The following SH3TC2 variants were observed in gnomAD, a reference collection of about 807,000 sequenced individuals.
The protein encoded by SH3TC2 is SH3 domain and tetratricopeptide repeat-containing protein 2.
A neutral mutation model predicts 124.5 loss-of-function variants in SH3TC2; 87 were observed. That is an observed-to-expected ratio of 0.70 (90% CI 0.59 to 0.84). The LOEUF is 0.84. Ranked by LOEUF, SH3TC2 falls within the 40% of genes least tolerant of loss-of-function variation. The probability of loss-of-function intolerance (pLI) is 0.00; values close to 1 mark genes in which losing one functional copy is unlikely to be tolerated. For synonymous variants in SH3TC2, 634 were observed against 628.5 expected, an observed-to-expected ratio of 1.01 and a Z score of -0.13; for missense variants, 1,536 against 1,566.4, an observed-to-expected ratio of 0.98 and a Z score of 0.33.
intron 3 of SH3TC2, chr5:149,046,584 G>A (rs1188389852): frequency 1.3e-5 from 2 of 152,164 alleles, no homozygotes; most frequent in African/African-American, 4.8e-5. Flanking sequence ...GGCACAGAGA[G>A]GTTAAGTAAA....
intron 1 of SH3TC2, among the ~76,000 whole-genome samples, chr5:149,055,943 A>G (rs1260873857): frequency 1.3e-5 from 2 of 152,128 alleles, no homozygotes; most frequent in South Asian, 2.1e-4. Flanking sequence ...AATAAATCCA[A>G]TACAACAATG....
chr5:149,032,414 G>C (rs1754212539), intron 8 of SH3TC2, among the ~76,000 whole-genome samples: 1 of 152,166 alleles, frequency 6.6e-6, no homozygotes, highest in Non-Finnish European at 1.5e-5. Flanking sequence ...TAAAAAACTA[G>C]AAGTGCCTTA....
At chr5:149,053,512 G>A (rs1754591752) in intron 1 of SH3TC2, among the ~76,000 whole-genome samples, 1 of 152,206 alleles carries the variant, frequency 6.6e-6, no homozygotes, top group Non-Finnish European at 1.5e-5. Context: ...AAGCTAAGCA[G>A]CTTAGCTGGA....
intron 1 of SH3TC2, chr5:149,062,297 G>GA (rs1754766482): frequency 3.8e-6 from 2 of 526,382 alleles, no homozygotes; most frequent in South Asian, 1.4e-5. Context: ...ATTCTCCTCT[G>GA]AAAAAAAGCA....
At chr5:149,043,578 A>G (rs1754407479) in intron 4 of SH3TC2, 1 of 152,190 alleles carries the variant, frequency 6.6e-6, no homozygotes, top group African/African-American at 2.4e-5. Context: ...ATGTGCACAC[A>G]AATCACATGG....
In SH3TC2 at chr5:149,027,047, G is replaced by A; in HGVS notation, c.2685C>T (p.Ala895=). The A allele has an allele frequency of 6.2e-7, 1 of 1,614,188 alleles. No individual in the cohort carries two copies. Among genetic ancestry groups the A allele is most frequent in the Non-Finnish European group, 8.5e-7 (1 of 1,180,032 alleles). ...GTACAGCCTGCAGGAGATAGTTTCTGGCTGGATGCTGAGCCCAGGACTTAA... is the reference window on the plus strand; with the variant it reads ...GTACAGCCTGCAGGAGATAGTTTCTAGCTGGATGCTGAGCCCAGGACTTAA... ...LSLKSWAQHP[A]RNYLLQAVRL... The change falls in exon 11 of 17, where the codon GCC becomes GCT. Residue 895 remains alanine (A), a synonymous_variant. Coordinates refer to ENST00000515425, the MANE Select transcript of SH3TC2 (RefSeq NM_024577.4).
At chr5:149,038,892 C>A (rs1345302675) in intron 7 of SH3TC2, among the ~76,000 whole-genome samples, 2 of 152,212 alleles carry the variant, frequency 1.3e-5, no homozygotes, top group African/African-American at 2.4e-5. Flanking sequence ...AATCCACAGA[C>A]CAGTGTGTGA....
rs1438803627 is a variant in SH3TC2 at position 149,002,546 on chromosome 5, T to C, written c.*2165A>G. ...AATGTGTGCCAATTAGTAGACAACC[T>C]TGATGACTAGAAGATGCAATGGCGG... On this transcript the variant is annotated 3_prime_UTR_variant, in exon 17 of 17. Coordinates refer to ENST00000515425, the MANE Select transcript of SH3TC2 (RefSeq NM_024577.4). The C allele has an allele frequency of 6.6e-6, 1 of 152,252 alleles. No homozygotes were observed. Among genetic ancestry groups the C allele is most frequent in the Admixed American group, 6.5e-5 (1 of 15,284 alleles). 9.4% of individuals were successfully genotyped at this position (152,252 alleles called of 1,614,324 possible). A position where few individuals can be genotyped will look rare whatever the true frequency, so the allele number is the denominator to read the frequency against.
chr5:149,011,547 A>C (rs1436737205), intron 13 of SH3TC2, among the ~76,000 whole-genome samples: 1 of 152,186 alleles, frequency 6.6e-6, no homozygotes, highest in African/African-American at 2.4e-5. Context: ...CCTTGGGCAA[A>C]TTACTCAGCC....
In SH3TC2 at chr5:149,003,379, G is replaced by A. The variant is rs1753628367; in HGVS notation, c.*1332C>T. On this transcript the variant is annotated 3_prime_UTR_variant, in exon 17 of 17. Coordinates refer to ENST00000515425, the MANE Select transcript of SH3TC2 (RefSeq NM_024577.4). Reference sequence around the variant, plus strand: ...CTAGTGAAGCATGGTGCCATGTTGTGACTGCCCTGTGGAGAGGCCCACGTG... The same window carrying A: ...CTAGTGAAGCATGGTGCCATGTTGTAACTGCCCTGTGGAGAGGCCCACGTG... 6.4e-6 allele frequency: 1 copy of A among 156,122 alleles called. No individual in the cohort carries two copies. The highest frequency in any genetic ancestry group is 2.4e-5 in the African/African-American group (1 of 41,492). The allele number at this position is 156,122 out of a possible 1,614,324, so 9.7% of individuals were successfully genotyped here.
In SH3TC2 at chr5:149,027,846, C is replaced by A. The variant is rs771216937; in HGVS notation, c.1886G>T (p.Ser629Ile). 1 of 1,613,890 alleles carries A rather than the reference C, an allele frequency of 6.2e-7. No homozygotes were observed. Among genetic ancestry groups the A allele is most frequent in the Non-Finnish European group, 8.5e-7 (1 of 1,180,036 alleles). Residue 629 changes from serine to isoleucine, a missense_variant, in exon 11 of 17, where the codon AGC becomes ATC. Ser to Ile is a moderately radical substitution (Grantham distance 142). Around this residue, in one of 3 missense-constraint regions of SH3TC2, gnomAD observed 1,102 missense variants for 1,098.6 expected, o/e 1.00. Coordinates refer to ENST00000515425, the MANE Select transcript of SH3TC2 (RefSeq NM_024577.4). ...VLRQGIVVGSSPLEARACFLA... is the reference protein window; with the variant it reads ...VLRQGIVVGSIPLEARACFLA... ...AAAGCAGGCCCTGGCCTCCAGCGGG[C>A]TGCTGCCCACCACAATCCCCTGGCG...
In SH3TC2 at chr5:149,027,355, G is replaced by T. The variant is rs369957663; in HGVS notation, c.2377C>A (p.Gln793Lys). The T allele has an allele frequency of 6.0e-5, 97 of 1,613,892 alleles. No individual in the cohort carries two copies. Among genetic ancestry groups the T allele is most frequent in the Non-Finnish European group, 8.2e-5 (97 of 1,180,010 alleles). The change falls in exon 11 of 17, where the codon CAG (glutamine) becomes AAG (lysine). Residue 793 changes from glutamine to lysine, a missense_variant. Physicochemically the swap from Gln to Lys is moderately conservative, Grantham distance 53. This residue lies in a region of SH3TC2 where 1,102 missense variants were observed against 1,098.6 expected (regional missense o/e 1.00). Transcript: ENST00000515425. The stretch of plus-strand genomic sequence containing the variant: ...CAGAGAGAAGACTCAAAGGATTCCT[G>T]CTCACCCAGCAGCTGCCCTAGCACC... Reference protein sequence around the residue: ...ALVLGQLLGEQESFESSLCLA... With the variant: ...ALVLGQLLGEKESFESSLCLA...
Position 149,038,242 on chromosome 5 carries a change from G to A in SH3TC2, c.1001+53C>T, listed in dbSNP as rs1754314970. 1.9e-6 allele frequency: 3 copies of A among 1,584,642 alleles called. No homozygotes were observed. In the Admixed American group the frequency reaches 5.0e-5, roughly 27 times the overall value. On this transcript the variant is annotated intron_variant, in intron 8 of 16. Coordinates refer to ENST00000515425, the MANE Select transcript of SH3TC2 (RefSeq NM_024577.4). Reference sequence around the variant, plus strand: ...TGCAAATCTGCTCAAAGAGGGGAGGGAACCCTGGGAAAGGGAGCCCAGCTC... The same window carrying A: ...TGCAAATCTGCTCAAAGAGGGGAGGAAACCCTGGGAAAGGGAGCCCAGCTC...
intron 1 of SH3TC2, among the ~76,000 whole-genome samples, chr5:149,053,768 C>T (rs1476512980): frequency 6.6e-6 from 1 of 152,060 alleles, no homozygotes; most frequent in East Asian, 1.9e-4. Flanking sequence ...GCCTTTGAAC[C>T]CCAGCTGCCT....
rs1753545654 is a variant in SH3TC2 at position 148,998,439 on chromosome 5, A to T, written c.*6272T>A. 6.6e-6 allele frequency among the ~76,000 whole-genome samples: 1 copy of T among 152,206 alleles called. No individual in the cohort carries two copies. Among genetic ancestry groups the T allele is most frequent in the African/African-American group, 2.4e-5 (1 of 41,452 alleles). ...GTCTTCTCATTAGCCATGTGACTTCAACCATCCTCTCACCTACCCTGTCTG... is the reference window on the plus strand; with the variant it reads ...GTCTTCTCATTAGCCATGTGACTTCTACCATCCTCTCACCTACCCTGTCTG... On this transcript the variant is annotated 3_prime_UTR_variant, in exon 17 of 17. Coordinates refer to ENST00000515425, the MANE Select transcript of SH3TC2 (RefSeq NM_024577.4).
intron 12 of SH3TC2, among the ~76,000 whole-genome samples, chr5:149,024,578 C>T (rs1754032633): frequency 6.6e-6 from 1 of 152,244 alleles, no homozygotes; most frequent in African/African-American, 2.4e-5. Flanking sequence ...TCTGATTCAA[C>T]TTATCTTTAC....
Position 149,031,646 on chromosome 5 carries a change from G to C in SH3TC2, c.1043C>G (p.Ser348Cys). The change falls in exon 9 of 17, where the codon TCC (serine) becomes TGC (cysteine). Residue 348 changes from serine to cysteine, a missense_variant. Physicochemically the swap from Ser to Cys is moderately radical, Grantham distance 112. Around this residue, in one of 3 missense-constraint regions of SH3TC2, gnomAD observed 1,102 missense variants for 1,098.6 expected, o/e 1.00. Transcript: ENST00000515425. ...CTTATCACTTCCCAGGGCCAACAGG[G>C]AGCATCTCTCCTCATCACTGAGAAA... is the stretch of plus-strand genomic sequence containing the variant. ...SAFLSDEERC[S>C]LLALGSDKQT... 6.2e-7 allele frequency: 1 copy of C among 1,614,112 alleles called. No individual in the cohort carries two copies. Among genetic ancestry groups the C allele is most frequent in the South Asian group, 1.1e-5 (1 of 91,066 alleles).
intron 12 of SH3TC2, among the ~76,000 whole-genome samples, chr5:149,020,569 C>G (rs1280030535): frequency 6.6e-6 from 1 of 152,146 alleles, no homozygotes; most frequent in Non-Finnish European, 1.5e-5. Flanking sequence ...GTTTCTACTA[C>G]ATGCTGCCTA....
chr5:149,050,068 C>T (rs2127402828), intron 2 of SH3TC2, among the ~76,000 whole-genome samples: 1 of 152,302 alleles, frequency 6.6e-6, no homozygotes, highest in South Asian at 2.1e-4. Context: ...GACTGACAAA[C>T]AGGGCATTTG....
Sources: allele counts gnomAD v4.1 joint callset (sites outside exome capture counted in the v4.1 genomes callset), GRCh38; gene constraint gnomAD v4.1.1; regional missense constraint gnomAD v4.1.1; transcripts MANE v1.5; gene names NCBI Gene and HGNC (gene_info 2026-07-23, HGNC 2026-07-21).